Variants in GFOD1 observed in about 807,000 individuals in gnomAD.
The protein encoded by GFOD1 is glucose-fructose oxidoreductase domain-containing protein 1.
In GFOD1, 9 loss-of-function variants were observed where a neutral mutation model predicts 25.4. The ratio of observed to expected loss-of-function variants is 0.35; its 90% CI spans 0.21 to 0.62. GFOD1 has a LOEUF of 0.62. Among genes scored for constraint, GFOD1 ranks in the 20% least tolerant of loss-of-function variants. GFOD1 has a pLI of 0.72. For synonymous variants in GFOD1, 253 were observed against 245.6 expected, an observed-to-expected ratio of 1.03 and a Z score of -0.28; for missense variants, 403 against 556.9, an observed-to-expected ratio of 0.72 and a Z score of 2.78.
At chr6:13,406,996 G>T (rs1449421078) in intron 1 of GFOD1, among the ~76,000 whole-genome samples, 2 of 152,196 alleles carry the variant, frequency 1.3e-5, no homozygotes, top group Non-Finnish European at 2.9e-5. Context: ...ATTAAGTGTG[G>T]CCATGTGACT....
Position 13,364,849 on chromosome 6 carries a change from G to C in GFOD1, c.1067C>G (p.Thr356Arg). The C allele has an allele frequency of 6.2e-7, 1 of 1,614,018 alleles. No individual in the cohort carries two copies. Among genetic ancestry groups the C allele is most frequent in the South Asian group, 1.1e-5 (1 of 91,080 alleles). Reference protein sequence around the residue: ...VVDTIKRSSQTGEWQNIAIMT... With the variant: ...VVDTIKRSSQRGEWQNIAIMT... ...GATGGCAATGTTCTGCCACTCGCCC[G>C]TCTGGCTGGACCTCTTGATGGTGTC... The change falls in exon 2 of 2, where the codon ACG (threonine) becomes AGG (arginine). Residue 356 changes from threonine (T) to arginine (R), a missense_variant. Coordinates refer to ENST00000379287, the MANE Select transcript of GFOD1 (RefSeq NM_018988.4). This position sits in a 1 kb window ranked among gnomAD's most constrained non-coding sequence, Gnocchi z 4.1.
At position 13,472,806 on chromosome 6, in the gene GFOD1, T is replaced by G. The variant is rs180986952; in HGVS notation, c.253+13832A>C. Among the ~76,000 whole-genome samples, 129 of 152,356 alleles carry G rather than the reference T, an allele frequency of 8.5e-4. 1 individual carries two copies. Among genetic ancestry groups the G allele is most frequent in the Non-Finnish European group, 1.2e-3 (84 of 68,036 alleles). On this transcript the variant is annotated intron_variant, in intron 1 of 1. Transcript: ENST00000379287. ...ATAGAAAAAATGAAGATAGACAATTTTTGTCACATCTAGGGATCTTTTAAA... is the reference window on the plus strand; with the variant it reads ...ATAGAAAAAATGAAGATAGACAATTGTTGTCACATCTAGGGATCTTTTAAA...
intron 1 of GFOD1, among the ~76,000 whole-genome samples, chr6:13,455,356 C>A (rs1562224277): frequency 6.6e-6 from 1 of 152,160 alleles, no homozygotes; most frequent in Non-Finnish European, 1.5e-5. Context: ...GAGAGTGAAG[C>A]CAACTCTGGA....
chr6:13,475,377 C>G (rs1758596008), intron 1 of GFOD1, among the ~76,000 whole-genome samples: 1 of 151,822 alleles, frequency 6.6e-6, no homozygotes, highest in Non-Finnish European at 1.5e-5. Context: ...AGTTTGAGAC[C>G]AGCCTGACCA....
chr6:13,448,011 G>C (rs1276027806), intron 1 of GFOD1, among the ~76,000 whole-genome samples: 2 of 152,038 alleles, frequency 1.3e-5, no homozygotes, highest in Non-Finnish European at 2.9e-5. Context: ...TTGGAGGGAG[G>C]AGGGAGGTGG....
chr6:13,463,088 A>T (rs1441127736), intron 1 of GFOD1, among the ~76,000 whole-genome samples: 1 of 152,266 alleles, frequency 6.6e-6, no homozygotes, highest in Non-Finnish European at 1.5e-5. Flanking sequence ...CCAGCTTCTT[A>T]AAGAGCATTT....
Position 13,371,390 on chromosome 6 carries a change from G to A in GFOD1, c.254-5728C>T, listed in dbSNP as rs142155455. On this transcript the variant is annotated intron_variant, in intron 1 of 1. Transcript: ENST00000379287. ...AAGGGAGCCACTTGTCCCATGCTGA[G>A]TCCACACACCTCTGGGAGCACCAGG... 2.6e-5 allele frequency among the ~76,000 whole-genome samples: 4 copies of A among 152,300 alleles called. No individual in the cohort carries two copies. The East Asian group carries it at 7.7e-4, about 29-fold the overall frequency.
chr6:13,447,575 T>A (rs978189135), intron 1 of GFOD1, among the ~76,000 whole-genome samples: 24 of 150,772 alleles, frequency 1.6e-4, no homozygotes, highest in Non-Finnish European at 2.1e-4. Context: ...CCATCTCTAC[T>A]AAAAATACAA....
chr6:13,431,179 G>A (rs1165606095), intron 1 of GFOD1, among the ~76,000 whole-genome samples: 7 of 152,270 alleles, frequency 4.6e-5, no homozygotes, highest in African/African-American at 1.7e-4. Flanking sequence ...GTGGTGGTGG[G>A]GACTATGATG....
At chr6:13,414,628 T>C (rs562275370) in intron 1 of GFOD1, among the ~76,000 whole-genome samples, 21 of 152,236 alleles carry the variant, frequency 1.4e-4, no homozygotes, top group Admixed American at 1.3e-3. Flanking sequence ...TGGAGACCAA[T>C]AAACAGCATG....
intron 1 of GFOD1, among the ~76,000 whole-genome samples, chr6:13,413,068 G>A (rs1333274073): frequency 1.3e-5 from 2 of 152,218 alleles, no homozygotes; most frequent in Admixed American, 6.5e-5. Context: ...TCTTGGCTCT[G>A]CCACTGAGTC....
chr6:13,368,649 C>T (rs1368681315), intron 1 of GFOD1, among the ~76,000 whole-genome samples: 2 of 152,048 alleles, frequency 1.3e-5, no homozygotes, highest in Non-Finnish European at 2.9e-5. Context: ...CTGCCATCTG[C>T]TTAGTATACG....
At position 13,401,530 on chromosome 6, in the gene GFOD1, G is replaced by T. The variant is rs374855874; in HGVS notation, c.254-35868C>A. Among the ~76,000 whole-genome samples, 4 of 152,216 alleles carry T rather than the reference G, an allele frequency of 2.6e-5. No homozygotes were observed. The South Asian group carries it at 8.3e-4, about 32-fold the overall frequency. On this transcript the variant is annotated intron_variant, in intron 1 of 1. Coordinates refer to ENST00000379287, the MANE Select transcript of GFOD1 (RefSeq NM_018988.4). ...AATGGGGCACTATTTAATTTAAAAT[G>T]TTGCAGAAAAATGAACAATCTGAAT...
At chr6:13,469,848 AC>A (rs1303183561) in intron 1 of GFOD1, 3 of 1,177,828 alleles carry the variant, frequency 2.5e-6, no homozygotes, top group Non-Finnish European at 3.4e-6. Flanking sequence ...TGGCCATGAG[AC>A]GTAAATGAGT....
At chr6:13,486,190 G>T in intron 1 of GFOD1, 1 of 993,908 alleles carries the variant, frequency 1.0e-6, no homozygotes, top group Non-Finnish European at 1.2e-6. Flanking sequence ...AGGCGTTTCT[G>T]GGCGCGCACT....
At chr6:13,378,387 A>G (rs1167006111) in intron 1 of GFOD1, among the ~76,000 whole-genome samples, 1 of 152,228 alleles carries the variant, frequency 6.6e-6, no homozygotes, top group Non-Finnish European at 1.5e-5. Flanking sequence ...GATTTGGGAA[A>G]TCAATGAAAG....
chr6:13,482,323 C>T (rs955994524), intron 1 of GFOD1, among the ~76,000 whole-genome samples: 1 of 148,616 alleles, frequency 6.7e-6, no homozygotes, highest in African/African-American at 2.4e-5. Context: ...AAATTTAATA[C>T]ATTTAATATA....
At chr6:13,411,416 C>T (rs546074977) in intron 1 of GFOD1, among the ~76,000 whole-genome samples, 4 of 152,130 alleles carry the variant, frequency 2.6e-5, no homozygotes, top group Admixed American at 6.5e-5. Flanking sequence ...CTCAGCCTCC[C>T]GAGTAGCTGG....
chr6:13,368,406 G>A (rs1022231120), intron 1 of GFOD1, among the ~76,000 whole-genome samples: 1 of 152,168 alleles, frequency 6.6e-6, no homozygotes, highest in African/African-American at 2.4e-5. Flanking sequence ...GGTTTGTATC[G>A]CCAAAAGTGC....
Sources: gnomAD v4.1 joint callset for allele counts (sites outside exome capture counted in the v4.1 genomes callset) on GRCh38, gnomAD v4.1.1 for gene constraint, Gnocchi (gnomAD v3.1) non-coding constraint, MANE v1.5 for transcripts, NCBI Gene and HGNC (gene_info 2026-07-23, HGNC 2026-07-21) for gene names.